Variants in HIF3A observed in about 807,000 individuals in gnomAD.
HIF3A encodes the protein hypoxia-inducible factor 3-alpha.
HIF3A carries 41 observed loss-of-function variants against 67.2 expected under a neutral mutation model. The ratio of observed to expected loss-of-function variants is 0.61; its 90% confidence interval spans 0.48 to 0.79. The LOEUF (loss-of-function observed/expected upper bound fraction) is 0.79. Among genes scored for constraint, HIF3A ranks in the 30% least tolerant of loss-of-function variants. The pLI, the probability that HIF3A is intolerant of heterozygous loss-of-function variation, is 0.00. For missense variants in HIF3A, 855 were observed against 898.0 expected (o/e 0.95, Z 0.61); for synonymous variants, 356 against 374.8 (o/e 0.95, Z 0.58).
intron 12 of HIF3A, among the ~76,000 whole-genome samples, 195 bp downstream of exon 12, chr19:46,329,673 G>A (rs1413265697): frequency 6.6e-6 from 1 of 152,138 alleles, no homozygotes; most frequent in Non-Finnish European, 1.5e-5. Flanking sequence ...CCCTTCTGGA[G>A]TGCCCTCCAC....
chr19:46,331,252 T>C lies in HIF3A; in HGVS notation c.1809T>C (p.Phe603=). 1.2e-6 allele frequency: 2 copies of C among 1,613,868 alleles called. No individual in the cohort carries two copies. Among genetic ancestry groups the C allele is most frequent in the Non-Finnish European group, 1.7e-6 (2 of 1,179,834 alleles). ...KRSPSPEHEN[F]LLFPLSLSFL... is the part of the protein sequence containing the mutation. ...CCCCCAGCCCAGAACACGAAAACTT[T>C]CTGCTCTTTCCTCTCAGCCTGGTGT... The change falls in exon 13 of 15, where the codon TTT becomes TTC. Residue 603 remains phenylalanine, a synonymous_variant. Transcript: ENST00000377670.
chr19:46,308,465 C>T, intron 4 of HIF3A, 160 bp downstream of exon 4: 1 of 643,396 alleles, frequency 1.6e-6, no homozygotes. Context: ...AAAGACCCTG[C>T]CCTGGGGGGG....
intron 14 of HIF3A, among the ~76,000 whole-genome samples, chr19:46,338,052 G>A (rs1971753236): frequency 6.6e-6 from 1 of 152,170 alleles, no homozygotes; most frequent in Non-Finnish European, 1.5e-5. Context: ...CTAGCTTTGT[G>A]CTAAATCCTC....
chr19:46,333,788 CTT>C (rs1165101162), intron 13 of HIF3A, among the ~76,000 whole-genome samples: 4 of 103,566 alleles, frequency 3.9e-5, no homozygotes, highest in East Asian at 2.6e-4. Context: ...TTCTTTCTTT[CTT>C]TTTTTTTTTT....
At chr19:46,305,130 G>C in intron 2 of HIF3A, 115 bp from the exon 3 acceptor site, 1 of 1,432,342 alleles carries the variant, frequency 7.0e-7, no homozygotes, top group South Asian at 1.2e-5. Flanking sequence ...TTCCTTGGGG[G>C]TGCATGTAAG....
chr19:46,304,113 C>G, intron 2 of HIF3A, 25 bp downstream of exon 2: 1 of 1,541,310 alleles, frequency 6.5e-7, no homozygotes, highest in Non-Finnish European at 8.7e-7. Context: ...CGGGAATTCC[C>G]GTCTTGGTCA....
In HIF3A at chr19:46,312,498, C is replaced by A. The variant is rs1969530691; in HGVS notation, c.878-8C>A. On this transcript the variant is annotated splice_polypyrimidine_tract_variant and splice_region_variant and intron_variant, in intron 7 of 14. Coordinates refer to ENST00000377670, the MANE Select transcript of HIF3A (RefSeq NM_152795.4). The stretch of plus-strand genomic sequence containing the variant: ...GTGGCCCTGATCCCTCCCGATCCCC[C>A]TCCTCAGTGCTGAGCAAGGGCCAGG... 2 of 1,613,708 alleles carry A rather than the reference C, an allele frequency of 1.2e-6. No homozygotes were observed. Among genetic ancestry groups the A allele is most frequent in the Admixed American group, 3.3e-5 (2 of 59,934 alleles).
intron 14 of HIF3A, 65 bp from the exon 15 acceptor site, chr19:46,339,460 G>GGTT: frequency 9.4e-7 from 1 of 1,063,516 alleles, no homozygotes. Flanking sequence ...TTGGGGTTAT[G>GGTT]GTTGTCCTGT....
At chr19:46,300,989 C>T (rs1272738789) in intron 1 of HIF3A, among the ~76,000 whole-genome samples, 1 of 151,972 alleles carries the variant, frequency 6.6e-6, no homozygotes, top group African/African-American at 2.4e-5. Context: ...TGTTCCCTGT[C>T]GGGCCCCCAG....
At chr19:46,301,508 C>G (rs1968326843) in intron 1 of HIF3A, among the ~76,000 whole-genome samples, 1 of 152,162 alleles carries the variant, frequency 6.6e-6, no homozygotes, top group Admixed American at 6.5e-5. Context: ...GAAGCTGTTT[C>G]CCCACTGTAA....
At chr19:46,335,191 G>A (rs982622285) in intron 14 of HIF3A, among the ~76,000 whole-genome samples, 12 of 152,114 alleles carry the variant, frequency 7.9e-5, no homozygotes, top group Non-Finnish European at 4.4e-5. Context: ...CTCCAAGGCT[G>A]CCTTTTGGGG....
chr19:46,326,896 G>A (rs979997020), intron 11 of HIF3A, among the ~76,000 whole-genome samples: 1 of 152,214 alleles, frequency 6.6e-6, no homozygotes, highest in Non-Finnish European at 1.5e-5. Flanking sequence ...GCTCACGCCT[G>A]TAATCCCAGC....
chr19:46,308,090 A>G lies in HIF3A; in HGVS notation c.364-131A>G. ...GGTGGATGGATGGATGGATGGACAA[A>G]TGGATGGATAAATGAATGGGGAGAC... On this transcript the variant is annotated intron_variant, in intron 3 of 14. Coordinates refer to ENST00000377670, the MANE Select transcript of HIF3A (RefSeq NM_152795.4). The G allele has an allele frequency of 4.0e-6, 3 of 758,266 alleles. No homozygotes were observed. In the South Asian group the frequency reaches 4.4e-5, roughly 11 times the overall value. 47.0% of individuals were successfully genotyped at this position (758,266 alleles called of 1,614,324 possible). A position where few individuals can be genotyped will look rare whatever the true frequency, so the allele number is the denominator to read the frequency against.
intron 7 of HIF3A, 45 bp downstream of exon 7, chr19:46,312,312 C>A (rs1969505419): frequency 6.2e-7 from 1 of 1,613,246 alleles, no homozygotes; most frequent in African/African-American, 1.3e-5. Context: ...TGCCACATGG[C>A]CCCCAGCTGA....
chr19:46,327,677 C>T (rs1266644004), intron 11 of HIF3A, among the ~76,000 whole-genome samples: 1 of 152,146 alleles, frequency 6.6e-6, no homozygotes, highest in African/African-American at 2.4e-5. Context: ...CAGGGTCACC[C>T]TTACTTTAGA....
intron 6 of HIF3A, among the ~76,000 whole-genome samples, chr19:46,310,876 G>A (rs1172717413): frequency 5.3e-5 from 8 of 152,012 alleles, no homozygotes; most frequent in African/African-American, 1.4e-4. Flanking sequence ...TCAGCCTCCC[G>A]AGTAGCTGGG....
chr19:46,309,621 A>G (rs1169506200), intron 6 of HIF3A, among the ~76,000 whole-genome samples: 2 of 151,744 alleles, frequency 1.3e-5, no homozygotes, highest in African/African-American at 4.8e-5. Flanking sequence ...CGGCCTCCCA[A>G]AGTGTTGGGA....
Position 46,339,528 on chromosome 19 carries a change from T to C in HIF3A, c.1916T>C (p.Leu639Pro), listed in dbSNP as rs748756093. 1.3e-6 allele frequency: 2 copies of C among 1,583,304 alleles called. No homozygotes were observed. The highest frequency in any genetic ancestry group is 1.7e-6 in the Non-Finnish European group (2 of 1,162,796). ...CATTTATCTTTCATCTTTGCAGGCC[T>C]GGGCCCCTCACTGCTCTCTCCGTAC... ...PLLNLNEPLGLGPSLLSPYSD... is the reference protein window; with the variant it reads ...PLLNLNEPLGPGPSLLSPYSD... The change falls in exon 15 of 15, where the codon CTG becomes CCG. Residue 639 changes from leucine to proline, a missense_variant. Transcript: ENST00000377670.
At chr19:46,306,785 G>C (rs1810479837) in intron 3 of HIF3A, among the ~76,000 whole-genome samples, 1 of 152,176 alleles carries the variant, frequency 6.6e-6, no homozygotes, top group Admixed American at 6.5e-5. Flanking sequence ...TCCAAAGCTA[G>C]GAAGTGGCAC....
Sources: allele counts gnomAD v4.1 joint callset (sites outside exome capture counted in the v4.1 genomes callset), GRCh38; gene constraint gnomAD v4.1.1; transcripts MANE v1.5; gene names NCBI Gene and HGNC (gene_info 2026-07-23, HGNC 2026-07-21).